PNMA8A: variants seen among roughly 807,000 people sequenced by gnomAD.
The protein encoded by PNMA8A is paraneoplastic antigen-like protein 8A.
In PNMA8A, 17 loss-of-function variants were observed where a neutral mutation model predicts 26.6. That is an observed-to-expected ratio of 0.64 (90% CI 0.44 to 0.96). PNMA8A has a LOEUF of 0.96. PNMA8A is among the 40% of genes least tolerant of loss of function. PNMA8A has a pLI of 0.00. For synonymous variants in PNMA8A, 224 were observed against 182.0 expected, an observed-to-expected ratio of 1.23 and a Z score of -1.86; for missense variants, 532 against 488.4, an observed-to-expected ratio of 1.09 and a Z score of -0.84.
rs368614597 is a variant in PNMA8A, at chr19:46,469,744, C to G, written c.1292G>C (p.Arg431Pro). 25 of 1,605,444 alleles carry G rather than the reference C, an allele frequency of 1.6e-5. No individual in the cohort carries two copies. Among genetic ancestry groups the G allele is most frequent in the Middle Eastern group, 1.7e-4 (1 of 5,918 alleles). The change falls in exon 2 of 3, where the codon CGT becomes CCT. Residue 431 changes from arginine (R) to proline (P), a missense_variant. Coordinates refer to ENST00000313683, the MANE Select transcript of PNMA8A (RefSeq NM_018215.4). ...PKAKPEGSPRRATNESRKV is the reference protein window; with the variant it reads ...PKAKPEGSPRPATNESRKV Reference sequence around the variant, plus strand: ...GCTATCATTCTCACCATTGGTGGCACGCCGAGGAGAGCCTTCTGGCTTGGC... The same window carrying G: ...GCTATCATTCTCACCATTGGTGGCAGGCCGAGGAGAGCCTTCTGGCTTGGC...
chr19:46,468,526 T>G lies in PNMA8A; in HGVS notation c.*35A>C, dbSNP rs748018220. 6.2e-7 allele frequency: 1 copy of G among 1,606,684 alleles called. No homozygotes were observed. Among genetic ancestry groups the G allele is most frequent in the Non-Finnish European group, 8.5e-7 (1 of 1,173,300 alleles). On this transcript the variant is annotated 3_prime_UTR_variant, in exon 3 of 3. Coordinates refer to ENST00000313683, the MANE Select transcript of PNMA8A (RefSeq NM_018215.4). ...TGGTTGACTTGGTACTTCTTCCTTG[T>G]TCTTTCAACTCCTCAGTATGGGTGG...
In PNMA8A at chr19:46,470,304, C is replaced by G. The variant is rs752921660; in HGVS notation, c.732G>C (p.Lys244Asn). 15 of 1,613,766 alleles carry G rather than the reference C, an allele frequency of 9.3e-6. No individual in the cohort carries two copies. In the African/African-American group the frequency reaches 1.1e-4, roughly 11 times the overall value. ...RAGAKSRSRR[K>N]KQKKNSRQEA... ...CCTGCCTGGAGTTCTTCTTCTGCTT[C>G]TTTCTCCTGGAGCGAGACTTAGCTC... Residue 244 changes from lysine to asparagine, a missense_variant, in exon 2 of 3, where the codon AAG becomes AAC. By Grantham distance (94) the Lys-to-Asn change is moderately conservative. Coordinates refer to ENST00000313683, the MANE Select transcript of PNMA8A (RefSeq NM_018215.4).
At position 46,470,019 on chromosome 19, in the gene PNMA8A, A is replaced by T; in HGVS notation, c.1017T>A (p.Gly339=). 1.2e-6 allele frequency: 2 copies of T among 1,601,748 alleles called. No homozygotes were observed. The highest frequency in any genetic ancestry group is 1.7e-6 in the Non-Finnish European group (2 of 1,175,274). The change falls in exon 2 of 3, where the codon GGT becomes GGA. Residue 339 remains glycine (G), a synonymous_variant. Transcript: ENST00000313683. ...TCTTCTTTGGTGGGCTTTCATGGCC[A>T]CCATCTTGGTCTGACTCAGAGGCGC... The part of the protein sequence containing the change: ...PGGASESDQD[G]GHESPPKKKA...
At position 46,471,535 on chromosome 19, in the gene PNMA8A, G is replaced by A. The variant is rs548637509; in HGVS notation, c.-278C>T. 1.3e-5 allele frequency: 2 copies of A among 152,692 alleles called. No individual in the cohort carries two copies. The highest frequency in any genetic ancestry group is 3.9e-4 in the East Asian group (2 of 5,174). The allele number at this position is 152,692 out of a possible 1,614,324, so 9.5% of individuals were successfully genotyped here. On this transcript the variant is annotated 5_prime_UTR_variant, in exon 1 of 3. Transcript: ENST00000313683. ...ATGCCGTTAGCGGCGAGAAGCCGAG[G>A]TTGGCGTCGCAGCGCGCGCCTGCGC...
chr19:46,470,734 G>C lies in PNMA8A; in HGVS notation c.302C>G (p.Thr101Ser). 1.1e-6 allele frequency: 1 copy of C among 869,788 alleles called. No individual in the cohort carries two copies. The highest frequency in any genetic ancestry group is 2.0e-6 in the Non-Finnish European group (1 of 499,304). 53.9% of individuals were successfully genotyped at this position (869,788 alleles called of 1,614,324 possible). A position where few individuals can be genotyped will look rare whatever the true frequency, so the allele number is the denominator to read the frequency against. Residue 101 changes from threonine (T) to serine (S), a missense_variant, in exon 2 of 3, where the codon ACC becomes AGC. Transcript: ENST00000313683. ...ATTTTTTAAAAACTCGGCATCCTGGGTAGGGTCTCTACAGACCACTCTCCA... is the reference window on the plus strand; with the variant it reads ...ATTTTTTAAAAACTCGGCATCCTGGCTAGGGTCTCTACAGACCACTCTCCA... ...GVWRVVCRDP[T>S]QDAEFLKNLN...
At position 46,467,124 on chromosome 19, in the gene PNMA8A, A is replaced by C. The variant is rs1358838167; in HGVS notation, c.*1437T>G. 4.6e-5 allele frequency: 7 copies of C among 152,208 alleles called. No homozygotes were observed. The highest frequency in any genetic ancestry group is 1.7e-4 in the African/African-American group (7 of 41,446). 9.4% of individuals were successfully genotyped at this position (152,208 alleles called of 1,614,324 possible). A position where few individuals can be genotyped will look rare whatever the true frequency, so the allele number is the denominator to read the frequency against. On this transcript the variant is annotated 3_prime_UTR_variant, in exon 3 of 3. Coordinates refer to ENST00000313683, the MANE Select transcript of PNMA8A (RefSeq NM_018215.4). Reference sequence around the variant, plus strand: ...CAAAGAGATGCCTGAAATAACTAAGACGTGTACAAAAACAAGTTAACCTAT... The same window carrying C: ...CAAAGAGATGCCTGAAATAACTAAGCCGTGTACAAAAACAAGTTAACCTAT...
Position 46,470,747 on chromosome 19 carries a change from A to G in PNMA8A, c.289T>C (p.Cys97Arg), listed in dbSNP as rs906535727. The change falls in exon 2 of 3, where the codon TGT (cysteine) becomes CGT (arginine). Residue 97 changes from cysteine (C) to arginine (R), a missense_variant. Transcript: ENST00000313683. The stretch of plus-strand genomic sequence containing the variant: ...TCGGCATCCTGGGTAGGGTCTCTAC[A>G]GACCACTCTCCAGACACCACCCCTT... The part of the protein sequence containing the change: ...PGRGGVWRVV[C>R]RDPTQDAEFL... The G allele has an allele frequency of 2.0e-5, 16 of 818,156 alleles. No homozygotes were observed. The highest frequency in any genetic ancestry group is 6.8e-5 in the Admixed American group (4 of 59,060). The allele number at this position is 818,156 out of a possible 1,614,324, so 50.7% of individuals were successfully genotyped here. A position where few individuals can be genotyped will look rare whatever the true frequency, so the allele number is the denominator to read the frequency against.
At position 46,468,464 on chromosome 19, in the gene PNMA8A, G is replaced by A; in HGVS notation, c.*97C>T. On this transcript the variant is annotated 3_prime_UTR_variant, in exon 3 of 3. Coordinates refer to ENST00000313683, the MANE Select transcript of PNMA8A (RefSeq NM_018215.4). Reference sequence around the variant, plus strand: ...AGATCTCTATCAACAGGGGCCCTAAGAGAGTCCAAAGTCTTATTCAGTGAC... The same window carrying A: ...AGATCTCTATCAACAGGGGCCCTAAAAGAGTCCAAAGTCTTATTCAGTGAC... 2 of 1,162,028 alleles carry A rather than the reference G, an allele frequency of 1.7e-6. No homozygotes were observed. Among genetic ancestry groups the A allele is most frequent in the Non-Finnish European group, 2.6e-6 (2 of 770,420 alleles). 72.0% of individuals were successfully genotyped at this position (1,162,028 alleles called of 1,614,324 possible).
Position 46,468,508 on chromosome 19 carries a change from C to T in PNMA8A, c.*53G>A. The T allele has an allele frequency of 6.3e-7, 1 of 1,578,668 alleles. No individual in the cohort carries two copies. Among genetic ancestry groups the T allele is most frequent in the Non-Finnish European group, 8.7e-7 (1 of 1,147,970 alleles). On this transcript the variant is annotated 3_prime_UTR_variant, in exon 3 of 3. Transcript: ENST00000313683. ...CAGTGACAAGAGAGAACTTGGTTGA[C>T]TTGGTACTTCTTCCTTGTTCTTTCA...
In PNMA8A at chr19:46,467,273, TAC is replaced by T. The variant is rs1243780360; in HGVS notation, c.*1286_*1287del. 6.6e-6 allele frequency: 1 copy of T among 152,102 alleles called. No homozygotes were observed. Among genetic ancestry groups the T allele is most frequent in the Non-Finnish European group, 1.5e-5 (1 of 68,026 alleles). The allele number at this position is 152,102 out of a possible 1,614,324, so 9.4% of individuals were successfully genotyped here. A position where few individuals can be genotyped will look rare whatever the true frequency, so the allele number is the denominator to read the frequency against. On this transcript the variant is annotated 3_prime_UTR_variant, in exon 3 of 3. Coordinates refer to ENST00000313683, the MANE Select transcript of PNMA8A (RefSeq NM_018215.4). The stretch of plus-strand genomic sequence containing the variant: ...ATTACATCTTTGTGGACGGCTACGA[TAC>T]AGTTTGGAAACCATTATCTCAGGGA...
Position 46,470,961 on chromosome 19 carries a change from C to T in PNMA8A, c.75G>A (p.Leu25=), listed in dbSNP as rs757652911. ...RGMEVDIHRS[L]LVTGIPEDCG... ...AGTCCTCTGGGATGCCTGTGACCAA[C>T]AAGGACCTGTGGATGTCCACTTCCA... Residue 25 remains leucine (L), a synonymous_variant, in exon 2 of 3, where the codon TTG becomes TTA. Transcript: ENST00000313683. The T allele has an allele frequency of 1.3e-5, 10 of 780,974 alleles. No homozygotes were observed. The East Asian group carries it at 2.2e-4, about 17-fold the overall frequency. The allele number at this position is 780,974 out of a possible 1,614,324, so 48.4% of individuals were successfully genotyped here. A position where few individuals can be genotyped will look rare whatever the true frequency, so the allele number is the denominator to read the frequency against.
In PNMA8A at chr19:46,468,426, T is replaced by C; in HGVS notation, c.*135A>G. The stretch of plus-strand genomic sequence containing the variant: ...TCCCACCCAAGACCTCACCTATCGT[T>C]TACCTCAGGGCCAGATCTCTATCAA... On this transcript the variant is annotated 3_prime_UTR_variant, in exon 3 of 3. Coordinates refer to ENST00000313683, the MANE Select transcript of PNMA8A (RefSeq NM_018215.4). The C allele has an allele frequency of 1.3e-6, 1 of 745,632 alleles. No homozygotes were observed. The highest frequency in any genetic ancestry group is 2.3e-6 in the Non-Finnish European group (1 of 431,558). The allele number at this position is 745,632 out of a possible 1,614,324, so 46.2% of individuals were successfully genotyped here.
In PNMA8A at chr19:46,468,227, G is replaced by A. The variant is rs576157320; in HGVS notation, c.*334C>T. ...GCGTGGGGGAGAAAAGCTGAACATG[G>A]ATGAGTGTAACAGTGACCCTGCTCA... On this transcript the variant is annotated 3_prime_UTR_variant, in exon 3 of 3. Coordinates refer to ENST00000313683, the MANE Select transcript of PNMA8A (RefSeq NM_018215.4). The A allele has an allele frequency of 3.3e-6, 1 of 302,652 alleles. No homozygotes were observed. The highest frequency in any genetic ancestry group is 6.1e-6 in the Non-Finnish European group (1 of 163,932). 18.7% of individuals were successfully genotyped at this position (302,652 alleles called of 1,614,324 possible). A position where few individuals can be genotyped will look rare whatever the true frequency, so the allele number is the denominator to read the frequency against.
intron 2 of PNMA8A, among the ~76,000 whole-genome samples, chr19:46,469,202 G>C (rs540734528): frequency 6.7e-6 from 1 of 149,344 alleles, no homozygotes; most frequent in South Asian, 2.1e-4. Flanking sequence ...TCCACCTCCC[G>C]GGTTCAAGAG....
chr19:46,470,531 G>A lies in PNMA8A; in HGVS notation c.505C>T (p.Arg169Cys). ...TGGGCCCTGGCTTCCTCCCGGCTGC[G>A]GATCTCGGCATCCATGCAGAAGATG... ...QIIFCMDAEI[R>C]SREEARAQEA... Residue 169 changes from arginine to cysteine, a missense_variant, in exon 2 of 3, where the codon CGC (arginine) becomes TGC (cysteine). Coordinates refer to ENST00000313683, the MANE Select transcript of PNMA8A (RefSeq NM_018215.4). The A allele has an allele frequency of 2.5e-6, 4 of 1,613,992 alleles. No homozygotes were observed. Among genetic ancestry groups the A allele is most frequent in the Non-Finnish European group, 2.5e-6 (3 of 1,180,026 alleles).
rs1969765523 is a variant in PNMA8A, at chr19:46,470,153, A to G, written c.883T>C (p.Cys295Arg). ...AAAGCCAACTCCTCCTTATTCACACAGGGCTTTCTGCTGCCCTTGATCGGC... is the reference window on the plus strand; with the variant it reads ...AAAGCCAACTCCTCCTTATTCACACGGGGCTTTCTGCTGCCCTTGATCGGC... ...SEPIKGSRKP[C>R]VNKEELALKK... Residue 295 changes from cysteine to arginine, a missense_variant, in exon 2 of 3, where the codon TGT becomes CGT. By Grantham distance (180) the Cys-to-Arg change is radical. Coordinates refer to ENST00000313683, the MANE Select transcript of PNMA8A (RefSeq NM_018215.4). The G allele has an allele frequency of 6.2e-7, 1 of 1,613,648 alleles. No homozygotes were observed. The highest frequency in any genetic ancestry group is 8.5e-7 in the Non-Finnish European group (1 of 1,179,864).
chr19:46,470,191 A>G lies in PNMA8A; in HGVS notation c.845T>C (p.Met282Thr), dbSNP rs765718370. 1.2e-6 allele frequency: 2 copies of G among 1,614,160 alleles called. No homozygotes were observed. The highest frequency in any genetic ancestry group is 1.1e-5 in the South Asian group (1 of 91,082). The change falls in exon 2 of 3, where the codon ATG becomes ACG. Residue 282 changes from methionine to threonine, a missense_variant. By Grantham distance (81) the Met-to-Thr change is moderately conservative. Transcript: ENST00000313683. Reference sequence around the variant, plus strand: ...GCCCTTGATCGGCTCTGAGATCGCCATGCTTTCAGCATCACCCACCTCAGG... The same window carrying G: ...GCCCTTGATCGGCTCTGAGATCGCCGTGCTTTCAGCATCACCCACCTCAGG... ...EDPEVGDAES[M>T]AISEPIKGSR...
intron 1 of PNMA8A, 28 bp from the exon 2 acceptor site, chr19:46,471,142 C>G (rs3826854): frequency 0.23 from 141,103 of 613,994 alleles, 17,250 homozygotes; most frequent in African/African-American, 0.33. Flanking sequence ...AGCGAGGTCA[C>G]GTTCCCAGGA....
rs1171592391 is a variant in PNMA8A at position 46,470,474 on chromosome 19, A to G, written c.562T>C (p.Trp188Arg). 6.2e-7 allele frequency: 1 copy of G among 1,613,900 alleles called. No individual in the cohort carries two copies. ...EAAEFEEMAA[W>R]ALAAGRKVKK... ...ACCTTCCTCCCTGCTGCTAAAGCCCAGGCTGCCATCTCCTCGAATTCAGCG... is the reference window on the plus strand; with the variant it reads ...ACCTTCCTCCCTGCTGCTAAAGCCCGGGCTGCCATCTCCTCGAATTCAGCG... Residue 188 changes from tryptophan (W) to arginine (R), a missense_variant, in exon 2 of 3, where the codon TGG becomes CGG. Physicochemically the swap from Trp to Arg is moderately radical, Grantham distance 101 (BLOSUM62 -3). Coordinates refer to ENST00000313683, the MANE Select transcript of PNMA8A (RefSeq NM_018215.4).
Sources: allele counts gnomAD v4.1 joint callset (sites outside exome capture counted in the v4.1 genomes callset), GRCh38; gene constraint gnomAD v4.1.1; transcripts MANE v1.5; gene names NCBI Gene and HGNC (gene_info 2026-07-23, HGNC 2026-07-21).